CAMK2D: variants seen among roughly 807,000 people sequenced by gnomAD.
The protein encoded by CAMK2D is calcium/calmodulin dependent protein kinase II delta.
CAMK2D carries 37 observed loss-of-function variants against 84.0 expected under a neutral mutation model. The observed-to-expected ratio is 0.44, with a 90% CI of 0.34 to 0.58. The LOEUF (loss-of-function observed/expected upper bound fraction) is 0.58. Among genes scored for constraint, CAMK2D ranks in the 20% least tolerant of loss-of-function variants. The probability of loss-of-function intolerance (pLI) is 0.02; values close to 1 mark genes in which losing one functional copy is unlikely to be tolerated. For missense variants in CAMK2D, 448 were observed against 652.5 expected (o/e 0.69, Z 3.41); for synonymous variants, 202 against 212.5 (o/e 0.95, Z 0.43).
intron 4 of CAMK2D, among the ~76,000 whole-genome samples, chr4:113,566,751 ATCT>A (rs2098726388): frequency 6.6e-6 from 1 of 152,136 alleles, no homozygotes; most frequent in African/African-American, 2.4e-5. Context: ...CTACTCACAG[ATCT>A]TCTCAACATT....
chr4:113,697,872 C>T (rs1253622855), intron 2 of CAMK2D, among the ~76,000 whole-genome samples: 1 of 152,082 alleles, frequency 6.6e-6, no homozygotes, highest in African/African-American at 2.4e-5. Context: ...CACCTTCTTC[C>T]TTTCTGCTCA....
intron 2 of CAMK2D, among the ~76,000 whole-genome samples, chr4:113,750,054 G>C (rs1223869376): frequency 1.3e-5 from 2 of 152,190 alleles, no homozygotes; most frequent in African/African-American, 4.8e-5. Flanking sequence ...GCCAGGCGCA[G>C]ACTGAAAGAT....
chr4:113,543,917 G>A (rs574997070), intron 6 of CAMK2D, among the ~76,000 whole-genome samples: 5 of 151,970 alleles, frequency 3.3e-5, no homozygotes, highest in Middle Eastern at 3.4e-3. Context: ...TCAGCCTCCC[G>A]AGTAGCTGGG....
At chr4:113,485,203 G>A (rs1467652472) in intron 16 of CAMK2D, among the ~76,000 whole-genome samples, 1 of 152,154 alleles carries the variant, frequency 6.6e-6, no homozygotes, top group Non-Finnish European at 1.5e-5. Flanking sequence ...GCTACTCTGT[G>A]ATCATTTTTA....
chr4:113,533,199 G>A (rs1322182759), intron 7 of CAMK2D, among the ~76,000 whole-genome samples: 1 of 151,962 alleles, frequency 6.6e-6, no homozygotes, highest in Non-Finnish European at 1.5e-5. Flanking sequence ...AATTCTAAGA[G>A]AATACCAGCA....
At chr4:113,534,788 G>A (rs1361051825) in intron 7 of CAMK2D, among the ~76,000 whole-genome samples, 1 of 152,108 alleles carries the variant, frequency 6.6e-6, no homozygotes, top group Non-Finnish European at 1.5e-5. Context: ...TAACAGTCCT[G>A]TGAAGAAGTG....
At chr4:113,614,236 G>C (rs2099012609) in intron 3 of CAMK2D, among the ~76,000 whole-genome samples, 1 of 151,842 alleles carries the variant, frequency 6.6e-6, no homozygotes, top group African/African-American at 2.4e-5. Flanking sequence ...ATATTATTTG[G>C]TTCAAATTAT....
intron 2 of CAMK2D, among the ~76,000 whole-genome samples, chr4:113,675,979 A>T (rs1416080954): frequency 6.6e-6 from 1 of 152,234 alleles, no homozygotes; most frequent in Non-Finnish European, 1.5e-5. Context: ...ATATATCTGT[A>T]TAATGGCCAA....
chr4:113,706,553 G>A (rs114439350), intron 2 of CAMK2D, among the ~76,000 whole-genome samples: 1,982 of 152,260 alleles, frequency 0.013, 15 homozygotes, highest in Non-Finnish European at 0.021. Context: ...GCTCTGAAGT[G>A]AAAAGGAAAT....
At chr4:113,693,759 A>T (rs1440012735) in intron 2 of CAMK2D, among the ~76,000 whole-genome samples, 2 of 152,194 alleles carry the variant, frequency 1.3e-5, no homozygotes, top group Non-Finnish European at 2.9e-5. Context: ...TTTACTATCA[A>T]TAAAAATGCT....
intron 4 of CAMK2D, among the ~76,000 whole-genome samples, chr4:113,579,753 T>C (rs149776357): frequency 2.2e-4 from 34 of 152,354 alleles, no homozygotes; most frequent in African/African-American, 7.7e-4. Flanking sequence ...GCCTCAGATA[T>C]TCCTTTACAG....
At chr4:113,735,837 A>C (rs1158251922) in intron 2 of CAMK2D, among the ~76,000 whole-genome samples, 1 of 152,188 alleles carries the variant, frequency 6.6e-6, no homozygotes, top group Non-Finnish European at 1.5e-5. Flanking sequence ...TAAATATATT[A>C]TCACTGTCAT....
At chr4:113,597,283 T>C (rs75511189) in intron 4 of CAMK2D, among the ~76,000 whole-genome samples, 6,269 of 152,330 alleles carry the variant, frequency 0.041, 359 homozygotes, top group East Asian at 0.19. Flanking sequence ...CAATAGAAGA[T>C]TGTTCCATCT....
chr4:113,718,319 C>A (rs1005036404), intron 2 of CAMK2D, among the ~76,000 whole-genome samples: 1 of 152,058 alleles, frequency 6.6e-6, no homozygotes, highest in Admixed American at 6.6e-5. Context: ...GTGGGAAGTG[C>A]TGATTGGTCA....
chr4:113,602,691 T>C (rs2098958220), intron 4 of CAMK2D, among the ~76,000 whole-genome samples: 1 of 152,264 alleles, frequency 6.6e-6, no homozygotes, highest in African/African-American at 2.4e-5. Flanking sequence ...TTATTGTTCT[T>C]TTAAGATGAT....
chr4:113,494,049 T>A (rs1421973206), intron 16 of CAMK2D, among the ~76,000 whole-genome samples: 1 of 152,108 alleles, frequency 6.6e-6, no homozygotes, highest in African/African-American at 2.4e-5. Flanking sequence ...TTCTTCTAAA[T>A]TTTTTTCAAA....
intron 4 of CAMK2D, among the ~76,000 whole-genome samples, chr4:113,600,954 G>A (rs1439578228): frequency 6.6e-6 from 1 of 152,142 alleles, no homozygotes; most frequent in Non-Finnish European, 1.5e-5. Flanking sequence ...GATATGTTAA[G>A]AAGAAATCCT....
chr4:113,758,737 C>T (rs2099634237), intron 2 of CAMK2D, among the ~76,000 whole-genome samples: 1 of 152,176 alleles, frequency 6.6e-6, no homozygotes, highest in Non-Finnish European at 1.5e-5. Context: ...GTGTAAAATA[C>T]ATTACATGAG....
chr4:113,497,852 G>A (rs1343696807), intron 16 of CAMK2D, among the ~76,000 whole-genome samples: 1 of 152,238 alleles, frequency 6.6e-6, no homozygotes, highest in Non-Finnish European at 1.5e-5. Context: ...GCAGCAATGG[G>A]TAGAGCAAGT....
Sources: allele counts gnomAD v4.1 joint callset (sites outside exome capture counted in the v4.1 genomes callset), GRCh38; gene constraint gnomAD v4.1.1; transcripts MANE v1.5; gene names NCBI Gene and HGNC (gene_info 2026-07-23, HGNC 2026-07-21).